Variants in CACNA1E observed in about 807,000 individuals in gnomAD.
The protein encoded by CACNA1E is calcium voltage-gated channel subunit alpha1 E.
A neutral mutation model predicts 259.2 loss-of-function variants in CACNA1E; 40 were observed. The ratio of observed to expected loss-of-function variants is 0.15; its 90% CI spans 0.12 to 0.20. The LOEUF is 0.20. CACNA1E is among the 10% of genes least tolerant of loss of function. CACNA1E has a pLI of 1.00. For missense variants in CACNA1E, 1,874 were observed against 3,040.1 expected (o/e 0.62, Z 9.02); for synonymous variants, 1,104 against 1,138.5 (o/e 0.97, Z 0.61).
rs971966160 is a variant in CACNA1E, at chr1:181,801,842, C to T, written c.*3008C>T. ...CTCTTGAGTCATATATTCAGTTTCT[C>T]TTGCTAATATATGACTCGTCTTCAC... On this transcript the variant is annotated 3_prime_UTR_variant, in exon 48 of 48. Coordinates refer to ENST00000367573, the MANE Select transcript of CACNA1E (RefSeq NM_001205293.3). The T allele has an allele frequency of 6.6e-6, 1 of 152,228 alleles. No homozygotes were observed. The highest frequency in any genetic ancestry group is 1.5e-5 in the Non-Finnish European group (1 of 68,044). 9.4% of individuals were successfully genotyped at this position (152,228 alleles called of 1,614,324 possible). A position where few individuals can be genotyped will look rare whatever the true frequency, so the allele number is the denominator to read the frequency against.
chr1:181,765,747 G>A lies in CACNA1E; in HGVS notation c.4816-799G>A, dbSNP rs559009211. ...AGAGGGACTTCTCTGGCAGCGCTGA[G>A]ATCAACGCAAAATTACAGTGTCCCA... On this transcript the variant is annotated intron_variant, in intron 34 of 47. Transcript: ENST00000367573. Among the ~76,000 whole-genome samples the A allele has an allele frequency of 5.3e-5, 8 of 152,290 alleles. No homozygotes were observed. In the South Asian group the frequency reaches 1.7e-3, roughly 32 times the overall value.
chr1:181,711,141 T>G (rs1217309118), intron 8 of CACNA1E, 72 bp downstream of exon 8: 2 of 1,027,218 alleles, frequency 1.9e-6, no homozygotes, highest in African/African-American at 1.6e-5. Context: ...TCACTCCCAA[T>G]GCTCCCATTC....
intron 7 of CACNA1E, among the ~76,000 whole-genome samples, chr1:181,666,336 A>G (rs990920297): frequency 8.5e-5 from 13 of 152,176 alleles, no homozygotes; most frequent in Non-Finnish European, 1.9e-4. Flanking sequence ...TCTAGATGTT[A>G]GGAATACAGC....
intron 1 of CACNA1E, among the ~76,000 whole-genome samples, chr1:181,486,004 C>T (rs1663779633): frequency 6.6e-6 from 1 of 152,238 alleles, no homozygotes; most frequent in Admixed American, 6.5e-5. Context: ...CTGGCCGGGC[C>T]CAGCCTTGGA....
At chr1:181,747,681 G>A (rs997511945) in intron 25 of CACNA1E, among the ~76,000 whole-genome samples, 1 of 152,122 alleles carries the variant, frequency 6.6e-6, no homozygotes, top group African/African-American at 2.4e-5. Context: ...TCAGAGACTA[G>A]CAAAGTGTTA....
intron 2 of CACNA1E, among the ~76,000 whole-genome samples, chr1:181,461,540 C>CA (rs10607931): frequency 0.035 from 2,843 of 81,814 alleles, 83 homozygotes; most frequent in Non-Finnish European, 0.05. Flanking sequence ...GACTCCATCT[C>CA]AAAAAAAAAA....
chr1:181,796,683 C>T lies in CACNA1E; in HGVS notation c.6224C>T (p.Thr2075Ile). 1 of 1,599,324 alleles carries T rather than the reference C, an allele frequency of 6.3e-7. No individual in the cohort carries two copies. The highest frequency in any genetic ancestry group is 8.5e-7 in the Non-Finnish European group (1 of 1,169,878). Residue 2075 changes from threonine (T) to isoleucine (I), a missense_variant, in exon 47 of 48, where the codon ACT becomes ATT. By Grantham distance (89) the Thr-to-Ile change is moderately conservative. Transcript: ENST00000367573. ...LNSDSGHKSD[T>I]HRSGGRERGR... ...CCTCTCACAGGCCACAAGTCTGACA[C>T]TCACCGCTCAGGGGGCAGGGAGCGG...
At chr1:181,700,997 G>A (rs756396349) in intron 7 of CACNA1E, among the ~76,000 whole-genome samples, 15 of 152,132 alleles carry the variant, frequency 9.9e-5, no homozygotes, top group Non-Finnish European at 1.2e-4. Flanking sequence ...CCACTTGACC[G>A]TCCCAAAGCA....
chr1:181,521,260 C>T (rs1481905975), intron 3 of CACNA1E, among the ~76,000 whole-genome samples: 2 of 152,210 alleles, frequency 1.3e-5, no homozygotes, highest in Admixed American at 6.5e-5. Context: ...TGCATCTCAC[C>T]TCCTCTCCAC....
intron 7 of CACNA1E, among the ~76,000 whole-genome samples, chr1:181,677,014 G>A (rs1443068869): frequency 6.6e-6 from 1 of 152,050 alleles, no homozygotes; most frequent in African/African-American, 2.4e-5. Flanking sequence ...AACTGGCTGT[G>A]CTCCTCTCAG....
chr1:181,398,904 A>G (rs1656883593), intron 1 of CACNA1E, among the ~76,000 whole-genome samples: 1 of 152,226 alleles, frequency 6.6e-6, no homozygotes, highest in African/African-American at 2.4e-5. Context: ...GGCAAAAGGC[A>G]ATGGAGATCC....
chr1:181,580,359 G>A (rs1016949711), intron 5 of CACNA1E, among the ~76,000 whole-genome samples: 3 of 152,144 alleles, frequency 2.0e-5, no homozygotes, highest in African/African-American at 7.2e-5. Context: ...AGAGAGCAGG[G>A]GACTATGTGG....
At chr1:181,459,956 A>C (rs1225681132) in intron 2 of CACNA1E, among the ~76,000 whole-genome samples, 1 of 152,188 alleles carries the variant, frequency 6.6e-6, no homozygotes, top group Non-Finnish European at 1.5e-5. Context: ...ATGGCCAGCT[A>C]GGTAATGCAC....
intron 8 of CACNA1E, among the ~76,000 whole-genome samples, chr1:181,714,103 C>T (rs1002239505): frequency 7.2e-5 from 11 of 152,166 alleles, no homozygotes; most frequent in Admixed American, 2.0e-4. Context: ...GTTAAAGGCT[C>T]GGTTCCACAG....
At chr1:181,632,205 G>C (rs1355141892) in intron 6 of CACNA1E, among the ~76,000 whole-genome samples, 1 of 151,676 alleles carries the variant, frequency 6.6e-6, no homozygotes, top group Non-Finnish European at 1.5e-5. Flanking sequence ...GGGATAGCAA[G>C]AGTGGGGAGC....
At chr1:181,394,028 C>T (rs1656481290) in intron 1 of CACNA1E, among the ~76,000 whole-genome samples, 1 of 152,108 alleles carries the variant, frequency 6.6e-6, no homozygotes, top group South Asian at 2.1e-4. Flanking sequence ...TAGACAGGGC[C>T]TGTAAGGTAC....
At chr1:181,550,012 T>C (rs1167788994) in intron 3 of CACNA1E, among the ~76,000 whole-genome samples, 1 of 152,066 alleles carries the variant, frequency 6.6e-6, no homozygotes, top group Non-Finnish European at 1.5e-5. Context: ...AGCCTTGGAA[T>C]CTTGCCATGG....
At chr1:181,480,524 G>C (rs933213745), upstream of CACNA1E, among the ~76,000 whole-genome samples, 5 of 152,178 alleles carry the variant, frequency 3.3e-5, no homozygotes, top group East Asian at 9.6e-4. Flanking sequence ...GAGTATTCTA[G>C]GTCTCTGAAG....
intron 2 of CACNA1E, among the ~76,000 whole-genome samples, chr1:181,419,343 C>G (rs1266948270): frequency 6.6e-6 from 1 of 152,140 alleles, no homozygotes; most frequent in Non-Finnish European, 1.5e-5. Flanking sequence ...TCAGACCTCC[C>G]ACATCAGGCC....
Sources: allele counts gnomAD v4.1 joint callset (sites outside exome capture counted in the v4.1 genomes callset), GRCh38; gene constraint gnomAD v4.1.1; transcripts MANE v1.5; gene names NCBI Gene and HGNC (gene_info 2026-07-23, HGNC 2026-07-21).